The following PECAM1 variants were observed in gnomAD, a reference collection of about 807,000 sequenced individuals.
PECAM1 encodes platelet and endothelial cell adhesion molecule 1.
A neutral mutation model predicts 13.8 loss-of-function variants in PECAM1; 8 were observed. That is an observed-to-expected ratio of 0.58 (90% CI 0.34 to 1.05). PECAM1 has a LOEUF of 1.05. Ranked by LOEUF, PECAM1 falls within the 50% of genes least tolerant of loss-of-function variation. The pLI is 0.03. For synonymous variants in PECAM1, 136 were observed against 52.6 expected (o/e 2.58, Z -6.86); for missense variants, 304 against 141.2 (o/e 2.15, Z -5.84).
At chr17:64,355,650 G>A (rs1322538997) in intron 8 of PECAM1, among the ~76,000 whole-genome samples, 1 of 152,146 alleles carries the variant, frequency 6.6e-6, no homozygotes, top group Non-Finnish European at 1.5e-5. Context: ...TGTAGAGACA[G>A]GGTTTCACCA....
intron 13 of PECAM1, among the ~76,000 whole-genome samples, chr17:64,347,022 A>C (rs2035584838): frequency 6.6e-6 from 1 of 152,200 alleles, no homozygotes; most frequent in South Asian, 2.1e-4. Flanking sequence ...ATTCCCTGGC[A>C]CTTAGTAAGT....
intron 15 of PECAM1, among the ~76,000 whole-genome samples, chr17:64,327,766 C>A (rs2034997442): frequency 6.6e-6 from 1 of 152,188 alleles, no homozygotes; most frequent in Non-Finnish European, 1.5e-5. Context: ...CCAAATTAGT[C>A]TTTGGCTACG....
chr17:64,324,146 C>T (rs1440571109), intron 15 of PECAM1, among the ~76,000 whole-genome samples: 1 of 152,190 alleles, frequency 6.6e-6, no homozygotes, highest in African/African-American at 2.4e-5. Flanking sequence ...CTGAGGCAAA[C>T]AGGGAAAGTA....
At position 64,344,400 on chromosome 17, in the gene PECAM1, TTC is replaced by T. The variant is rs2035512363; in HGVS notation, c.2108-2712_2108-2711del. Among the ~76,000 whole-genome samples, 3 of 152,098 alleles carry T rather than the reference TTC, an allele frequency of 2.0e-5. No homozygotes were observed. The South Asian group carries it at 6.2e-4, about 32-fold the overall frequency. On this transcript the variant is annotated intron_variant, in intron 13 of 15. Coordinates refer to ENST00000563924, the MANE Select transcript of PECAM1 (RefSeq NM_000442.5). The stretch of plus-strand genomic sequence containing the variant: ...TTTCCGGATGGGGCTTTATTTTGGC[TTC>T]TGTTTTTCTCTGTGTTAACAGAGAA...
intron 7 of PECAM1, among the ~76,000 whole-genome samples, 188 bp downstream of exon 7, chr17:64,359,952 C>T (rs1197617522): frequency 6.6e-6 from 1 of 152,206 alleles, no homozygotes; most frequent in East Asian, 1.9e-4. Flanking sequence ...GGGGTTTCAC[C>T]ATGTTGGCCA....
At chr17:64,367,324 G>A (rs1365510149) in intron 5 of PECAM1, among the ~76,000 whole-genome samples, 1 of 152,040 alleles carries the variant, frequency 6.6e-6, no homozygotes. Context: ...GGCCGAGGTG[G>A]ACGGATCACA....
In PECAM1 at chr17:64,390,644, C is replaced by T. The variant is rs2036698841; in HGVS notation, c.22G>A (p.Gly8Arg). 1.1e-5 allele frequency: 5 copies of T among 470,610 alleles called. No homozygotes were observed. Among genetic ancestry groups the T allele is most frequent in the Non-Finnish European group, 1.9e-5 (5 of 256,870 alleles). The allele number at this position is 470,610 out of a possible 1,614,324, so 29.2% of individuals were successfully genotyped here. Residue 8 changes from glycine to arginine, a missense_variant, in exon 1 of 16, where the codon GGG (glycine) becomes AGG (arginine). Coordinates refer to ENST00000563924, the MANE Select transcript of PECAM1 (RefSeq NM_000442.5). ...AGGACTCCAAGCCACATCGTGGCCC[C>T]TTGGGCCCACCTCGGCTGCATCCTG... Reference protein sequence around the residue: MQPRWAQGATMWLGVLLT... With the variant: MQPRWAQRATMWLGVLLT...
chr17:64,383,988 G>A lies in PECAM1; in HGVS notation c.92-5871C>T, dbSNP rs1042639894. 4.5e-3 allele frequency among the ~76,000 whole-genome samples: 688 copies of A among 152,124 alleles called. 4 individuals carry two copies. The highest frequency in any genetic ancestry group is 8.1e-3 in the Non-Finnish European group (550 of 67,984). ...TTTACTAAAAATACAAAAATTAGCC[G>A]GGCATGGTAGCGGGCACTTGTCATC... On this transcript the variant is annotated intron_variant, in intron 2 of 15. Transcript: ENST00000563924.
chr17:64,321,629 C>T lies in PECAM1; in HGVS notation c.*2187G>A. ...ATTAAAAATTAGCCAGCTATGGCGG[C>T]TCACGCCTCTGGTCCCAGCTACCCA... On this transcript the variant is annotated 3_prime_UTR_variant, in exon 16 of 16. Coordinates refer to ENST00000563924, the MANE Select transcript of PECAM1 (RefSeq NM_000442.5). 1 of 475,126 alleles carries T rather than the reference C, an allele frequency of 2.1e-6. No homozygotes were observed. Among genetic ancestry groups the T allele is most frequent in the Non-Finnish European group, 3.0e-6 (1 of 336,600 alleles). The allele number at this position is 475,126 out of a possible 1,614,324, so 29.4% of individuals were successfully genotyped here.
Position 64,322,811 on chromosome 17 carries a change from G to T in PECAM1, c.*1005C>A. ...GCTCACTACAACCTCCGTTTCCTGG[G>T]TTCAAGCGATAATCTCACCTCAGCC... is the stretch of plus-strand genomic sequence containing the variant. On this transcript the variant is annotated 3_prime_UTR_variant, in exon 16 of 16. Coordinates refer to ENST00000563924, the MANE Select transcript of PECAM1 (RefSeq NM_000442.5). 1 of 501,914 alleles carries T rather than the reference G, an allele frequency of 2.0e-6. No individual in the cohort carries two copies. The highest frequency in any genetic ancestry group is 2.6e-6 in the Non-Finnish European group (1 of 388,188). The allele number at this position is 501,914 out of a possible 1,614,324, so 31.1% of individuals were successfully genotyped here.
chr17:64,377,617 AAAGG>A (rs386627305), intron 3 of PECAM1: 48 of 251,866 alleles, frequency 1.9e-4, no homozygotes, highest in East Asian at 6.3e-4. Flanking sequence ...TCAAAGAAAG[AAAGG>A]AAGGAAGGAA....
At chr17:64,358,146 TCTCA>T (rs1181322469) in intron 7 of PECAM1, among the ~76,000 whole-genome samples, 3 of 124,768 alleles carry the variant, frequency 2.4e-5, no homozygotes, top group African/African-American at 6.0e-5. Flanking sequence ...TGAGATAGAG[TCTCA>T]CTCTGTCACC....
intron 3 of PECAM1, among the ~76,000 whole-genome samples, chr17:64,375,937 A>G (rs1356849324): frequency 1.3e-5 from 2 of 152,152 alleles, no homozygotes; most frequent in African/African-American, 4.8e-5. Context: ...CAGGGGAAAG[A>G]GTGGGAGGGA....
At chr17:64,325,666 G>A (rs1026448173) in intron 15 of PECAM1, among the ~76,000 whole-genome samples, 16 of 152,218 alleles carry the variant, frequency 1.1e-4, no homozygotes, top group African/African-American at 3.9e-4. Flanking sequence ...GAGTCTGGGA[G>A]ATGGAGGTTG....
intron 5 of PECAM1, among the ~76,000 whole-genome samples, chr17:64,367,006 CAAA>C (rs56908523): frequency 1.6e-5 from 2 of 123,942 alleles, no homozygotes; most frequent in Non-Finnish European, 3.2e-5. Context: ...AACTCCATTT[CAAA>C]AAAAAAAAAA....
intron 13 of PECAM1, among the ~76,000 whole-genome samples, chr17:64,345,776 C>A (rs1008558578): frequency 1.3e-5 from 2 of 151,140 alleles, no homozygotes. Context: ...CCACCCCTCT[C>A]AGGTCCAGTC....
At chr17:64,362,219 A>T (rs1392217802) in intron 6 of PECAM1, among the ~76,000 whole-genome samples, 2 of 152,228 alleles carry the variant, frequency 1.3e-5, no homozygotes, top group African/African-American at 4.8e-5. Flanking sequence ...ACTGAATCAT[A>T]ACCTGTATTT....
chr17:64,389,148 G>A (rs1423924901), intron 2 of PECAM1, among the ~76,000 whole-genome samples: 1 of 152,280 alleles, frequency 6.6e-6, no homozygotes, highest in African/African-American at 2.4e-5. Context: ...CCCCAGCCTG[G>A]GGCCACTGCT....
intron 2 of PECAM1, chr17:64,390,053 A>AT: frequency 6.4e-6 from 1 of 156,600 alleles, no homozygotes; most frequent in African/African-American, 2.4e-5. Context: ...CAAAAAAAAA[A>AT]GGAAAAAAAA....
Sources: allele counts gnomAD v4.1 joint callset (sites outside exome capture counted in the v4.1 genomes callset), GRCh38; gene constraint gnomAD v4.1.1; transcripts MANE v1.5; gene names NCBI Gene and HGNC (gene_info 2026-07-23, HGNC 2026-07-21).